Variants in NXPE2 observed in about 807,000 individuals in gnomAD.
NXPE2 encodes NXPE family member 2.
In NXPE2, 34 loss-of-function variants were observed where a neutral mutation model predicts 34.4. The observed-to-expected ratio is 0.99, with a 90% CI of 0.75 to 1.31. The LOEUF (loss-of-function observed/expected upper bound fraction) is 1.31, where lower values mean the gene tolerates loss of function less well. Ranked by LOEUF, NXPE2 falls within the 40% of genes most tolerant of loss-of-function variation. The pLI, the probability that NXPE2 is intolerant of heterozygous loss-of-function variation, is 0.00. For synonymous variants in NXPE2, 235 were observed against 231.3 expected, an observed-to-expected ratio of 1.02 and a Z score of -0.15; for missense variants, 649 against 672.5, an observed-to-expected ratio of 0.97 and a Z score of 0.39.
At chr11:114,725,976 A>AAAT in the NXPE2 span, among the ~76,000 whole-genome samples, 96 of 101,754 alleles carry the variant, frequency 9.4e-4, 5 homozygotes, top group East Asian at 0.018. Context: ...ATAAAAAAAA[A>AAAT]ATATATATAT....
At chr11:114,640,477 G>A in the NXPE2 span, among the ~76,000 whole-genome samples, 1 of 151,654 alleles carries the variant, frequency 6.6e-6, no homozygotes, top group Admixed American at 6.6e-5. Context: ...ACACCAAGTA[G>A]TGGGATTGCT....
At chr11:114,696,356 A>AAG (rs1253984299) in intron 2 of NXPE2, among the ~76,000 whole-genome samples, 62 of 143,246 alleles carry the variant, frequency 4.3e-4, no homozygotes, top group Middle Eastern at 4.0e-3. Flanking sequence ...AAAAAAAAAA[A>AAG]AAAGAAAGAA....
chr11:114,499,756 C>T, the NXPE2 span, among the ~76,000 whole-genome samples: 1 of 152,128 alleles, frequency 6.6e-6, no homozygotes, highest in African/African-American at 2.4e-5. Context: ...CAAATGTTCT[C>T]TCATGTCACC....
chr11:114,783,311 CCAT>C, the NXPE2 span, among the ~76,000 whole-genome samples: 1 of 152,192 alleles, frequency 6.6e-6, no homozygotes, highest in East Asian at 1.9e-4. Context: ...ACATTTTCTA[CCAT>C]CTGCTTCTCT....
At chr11:114,582,861 C>G in the NXPE2 span, 1 of 1,614,136 alleles carries the variant, frequency 6.2e-7, no homozygotes, top group Non-Finnish European at 8.5e-7. Flanking sequence ...GGTGAAAGGT[C>G]TGGGTGGGAT....
the NXPE2 span, among the ~76,000 whole-genome samples, chr11:114,495,491 C>G: frequency 6.6e-6 from 1 of 151,788 alleles, no homozygotes; most frequent in Non-Finnish European, 1.5e-5. Flanking sequence ...CAGGAGCCCA[C>G]TTGGTGCTCT....
chr11:114,742,937 G>T, the NXPE2 span, among the ~76,000 whole-genome samples: 1 of 152,116 alleles, frequency 6.6e-6, no homozygotes, highest in African/African-American at 2.4e-5. Flanking sequence ...CAATGTGGCT[G>T]ATTTTATTTG....
chr11:114,464,571 A>C, the NXPE2 span, among the ~76,000 whole-genome samples: 1 of 152,234 alleles, frequency 6.6e-6, no homozygotes, highest in Admixed American at 6.5e-5. Context: ...ATATACCAGC[A>C]GATATCAGTT....
the NXPE2 span, among the ~76,000 whole-genome samples, chr11:114,546,616 C>T: frequency 6.6e-6 from 1 of 151,834 alleles, no homozygotes; most frequent in Non-Finnish European, 1.5e-5. Context: ...TTTCTGAGCG[C>T]TGTCTTCTGA....
the NXPE2 span, among the ~76,000 whole-genome samples, chr11:114,644,488 C>T: frequency 6.6e-6 from 1 of 152,050 alleles, no homozygotes; most frequent in Non-Finnish European, 1.5e-5. Context: ...TTATCAATTG[C>T]ATTTCTAAGC....
chr11:114,803,873 C>T, the NXPE2 span, among the ~76,000 whole-genome samples: 9 of 152,086 alleles, frequency 5.9e-5, no homozygotes, highest in African/African-American at 1.7e-4. Flanking sequence ...CCACCATGCC[C>T]GCCCCCCTCA....
the NXPE2 span, among the ~76,000 whole-genome samples, chr11:114,740,938 G>A: frequency 2.4e-3 from 358 of 152,076 alleles, 2 homozygotes; most frequent in African/African-American, 8.3e-3. Context: ...TCTTGTGATA[G>A]TTTTTAACTT....
the NXPE2 span, among the ~76,000 whole-genome samples, chr11:114,792,548 G>A: frequency 6.1e-3 from 922 of 152,194 alleles, 10 homozygotes; most frequent in African/African-American, 0.02. Flanking sequence ...CTGCTGCTCT[G>A]GGGCCAAAAT....
chr11:114,640,479 G>A, the NXPE2 span, among the ~76,000 whole-genome samples: 13,986 of 151,560 alleles, frequency 0.092, 819 homozygotes, highest in Middle Eastern at 0.2. Flanking sequence ...ACCAAGTAGT[G>A]GGATTGCTGC....
the NXPE2 span, among the ~76,000 whole-genome samples, chr11:114,626,932 A>C: frequency 6.6e-5 from 10 of 152,176 alleles, no homozygotes; most frequent in East Asian, 1.7e-3. Context: ...ATGGAAGATG[A>C]AATGAATGAA....
At chr11:114,529,751 T>G in the NXPE2 span, 1 of 169,826 alleles carries the variant, frequency 5.9e-6, no homozygotes, top group Non-Finnish European at 1.3e-5. Flanking sequence ...GAGAGACCAG[T>G]TGGGAAGCTG....
chr11:114,594,700 G>A, the NXPE2 span: 223 of 1,603,736 alleles, frequency 1.4e-4, no homozygotes, highest in African/African-American at 2.8e-3. Context: ...AAATGATCCA[G>A]GAGGCTAATA....
chr11:114,594,748 A>G, the NXPE2 span: 1 of 1,541,588 alleles, frequency 6.5e-7, no homozygotes, highest in Non-Finnish European at 8.9e-7. Context: ...AATTTATCAT[A>G]CTTATTTTCA....
At chr11:114,483,513 G>C in the NXPE2 span, among the ~76,000 whole-genome samples, 1 of 152,156 alleles carries the variant, frequency 6.6e-6, no homozygotes, top group African/African-American at 2.4e-5. Context: ...CCAGTGCCTG[G>C]CACATCTTAG....
Sources: gnomAD v4.1 joint callset for allele counts (sites outside exome capture counted in the v4.1 genomes callset) on GRCh38, gnomAD v4.1.1 for gene constraint, MANE v1.5 for transcripts, NCBI Gene and HGNC (gene_info 2026-07-23, HGNC 2026-07-21) for gene names.